Variants in DLGAP2 observed in about 807,000 individuals in gnomAD.
DLGAP2 encodes the protein DLG associated protein 2, also known as disks large-associated protein 2.
In DLGAP2, 26 loss-of-function variants were observed where a neutral mutation model predicts 100.3. That is an observed-to-expected ratio of 0.26 (90% CI 0.19 to 0.36). The LOEUF is 0.36. DLGAP2 is among the 10% of genes least tolerant of loss of function. The pLI, the probability that DLGAP2 is intolerant of heterozygous loss-of-function variation, is 1.00. For missense variants in DLGAP2, 1,858 were observed against 1,453.2 expected, an observed-to-expected ratio of 1.28 and a Z score of -4.53; for synonymous variants, 886 against 630.1, an observed-to-expected ratio of 1.41 and a Z score of -6.08.
chr8:898,637 A>G (rs1798192209), intron 1 of DLGAP2, among the ~76,000 whole-genome samples: 1 of 149,502 alleles, frequency 6.7e-6, no homozygotes. Context: ...CAGCCCCTGC[A>G]GCTCATTGCT....
chr8:1,670,654 A>G (rs1798668341), intron 10 of DLGAP2, among the ~76,000 whole-genome samples: 1 of 152,234 alleles, frequency 6.6e-6, no homozygotes, highest in African/African-American at 2.4e-5. Context: ...ACAGGAATGT[A>G]GGTGGATGAC....
At chr8:815,659 T>C (rs114457912) in intron 1 of DLGAP2, among the ~76,000 whole-genome samples, 6,893 of 152,278 alleles carry the variant, frequency 0.045, 252 homozygotes, top group African/African-American at 0.094. Flanking sequence ...GCCTTAACAA[T>C]AATACTAGAA....
At chr8:1,486,002 G>T (rs771508238) in intron 3 of DLGAP2, among the ~76,000 whole-genome samples, 4 of 152,150 alleles carry the variant, frequency 2.6e-5, no homozygotes, top group Non-Finnish European at 4.4e-5. Context: ...ACTCCAGCCT[G>T]GGTGACAGAA....
chr8:1,617,751 C>T (rs958980932), intron 6 of DLGAP2, among the ~76,000 whole-genome samples: 2 of 152,170 alleles, frequency 1.3e-5, no homozygotes, highest in Admixed American at 6.5e-5. Context: ...GGACAGCGCA[C>T]CTCTAGAGCA....
chr8:1,333,430 T>A (rs977546808), intron 3 of DLGAP2, among the ~76,000 whole-genome samples: 9 of 152,130 alleles, frequency 5.9e-5, no homozygotes, highest in African/African-American at 2.2e-4. Context: ...CCAACTGTGA[T>A]CTCGTCCCTG....
chr8:828,843 C>G (rs1796729960), intron 1 of DLGAP2, among the ~76,000 whole-genome samples: 1 of 152,232 alleles, frequency 6.6e-6, no homozygotes, highest in Non-Finnish European at 1.5e-5. Context: ...ATGGCTTCAG[C>G]CGGTCCCTCC....
At chr8:1,507,248 C>T (rs1476905154) in intron 4 of DLGAP2, among the ~76,000 whole-genome samples, 1 of 152,232 alleles carries the variant, frequency 6.6e-6, no homozygotes, top group Non-Finnish European at 1.5e-5. Context: ...CGGGAGCCCA[C>T]CGCGAGGGGG....
At chr8:1,680,065 C>T (rs562528067) in intron 12 of DLGAP2, among the ~76,000 whole-genome samples, 1 of 151,816 alleles carries the variant, frequency 6.6e-6, no homozygotes, top group Non-Finnish European at 1.5e-5. Flanking sequence ...GCTAATACCA[C>T]CTGTCTTTGT....
At chr8:1,281,192 A>G (rs1236039052) in intron 3 of DLGAP2, among the ~76,000 whole-genome samples, 3 of 152,228 alleles carry the variant, frequency 2.0e-5, no homozygotes, top group African/African-American at 7.2e-5. Flanking sequence ...TCTGTATCCT[A>G]TAGATGTCTC....
intron 2 of DLGAP2, among the ~76,000 whole-genome samples, chr8:979,833 A>T (rs1429498859): frequency 1.3e-5 from 2 of 152,224 alleles, no homozygotes; most frequent in African/African-American, 4.8e-5. Flanking sequence ...GAAGGGAAAC[A>T]TTTGCAGTCT....
At chr8:1,365,008 T>A (rs1216580870) in intron 3 of DLGAP2, among the ~76,000 whole-genome samples, 4 of 152,182 alleles carry the variant, frequency 2.6e-5, no homozygotes, top group East Asian at 3.9e-4. Flanking sequence ...AACCGGGCCC[T>A]CAGAGACACG....
At chr8:994,774 G>T (rs997729186) in intron 2 of DLGAP2, among the ~76,000 whole-genome samples, 2 of 152,140 alleles carry the variant, frequency 1.3e-5, no homozygotes, top group East Asian at 3.8e-4. Context: ...TCCCTTGCTG[G>T]CAATGAAGCA....
chr8:1,202,532 A>T (rs1269048622), intron 2 of DLGAP2, among the ~76,000 whole-genome samples: 1 of 152,164 alleles, frequency 6.6e-6, no homozygotes, highest in Non-Finnish European at 1.5e-5. Flanking sequence ...TAAGGAATGT[A>T]TTCCAAGTCC....
chr8:1,619,120 C>G (rs1383973615), intron 6 of DLGAP2, among the ~76,000 whole-genome samples: 1 of 152,178 alleles, frequency 6.6e-6, no homozygotes, highest in Non-Finnish European at 1.5e-5. Context: ...GGCTTGAATG[C>G]AGAATATGTC....
chr8:1,499,429 G>A (rs567446748), intron 3 of DLGAP2, among the ~76,000 whole-genome samples: 1 of 152,294 alleles, frequency 6.6e-6, no homozygotes, highest in African/African-American at 2.4e-5. Context: ...CACACAGCTG[G>A]ACGCTCTGTT....
At chr8:1,494,031 C>T (rs1799470672) in intron 3 of DLGAP2, among the ~76,000 whole-genome samples, 1 of 125,462 alleles carries the variant, frequency 8.0e-6, no homozygotes, top group Non-Finnish European at 1.7e-5. Context: ...CCCTGCCCTC[C>T]CATTCTGCAT....
intron 3 of DLGAP2, among the ~76,000 whole-genome samples, chr8:1,381,694 C>G (rs1179315008): frequency 6.6e-6 from 1 of 152,090 alleles, no homozygotes; most frequent in East Asian, 1.9e-4. Context: ...TGTGCCTGGC[C>G]TATTTCACTC....
chr8:1,368,182 ATG>A (rs1563109194), intron 3 of DLGAP2, among the ~76,000 whole-genome samples: 2 of 151,792 alleles, frequency 1.3e-5, no homozygotes, highest in African/African-American at 4.8e-5. Context: ...GTGTGTGTGT[ATG>A]TGCACGTGTG....
chr8:772,907 T>A (rs1229026057), intron 1 of DLGAP2, among the ~76,000 whole-genome samples: 1 of 152,164 alleles, frequency 6.6e-6, no homozygotes, highest in Non-Finnish European at 1.5e-5. Flanking sequence ...GTGGTGGTGT[T>A]AGAGCTAGAG....
Sources: allele counts gnomAD v4.1 joint callset (sites outside exome capture counted in the v4.1 genomes callset), GRCh38; gene constraint gnomAD v4.1.1; transcripts MANE v1.5; gene names NCBI Gene and HGNC (gene_info 2026-07-23, HGNC 2026-07-21).